SNX29: variants seen among roughly 807,000 people sequenced by gnomAD.
SNX29 encodes the protein sorting nexin-29.
Under a neutral mutation model 102.1 loss-of-function variants are expected in SNX29, and 78 were observed. The ratio of observed to expected loss-of-function variants is 0.76; its 90% confidence interval spans 0.64 to 0.92. The LOEUF (loss-of-function observed/expected upper bound fraction) is 0.92. Ranked by LOEUF, SNX29 falls within the 40% of genes least tolerant of loss-of-function variation. The pLI is 0.00. For missense variants in SNX29, 1,280 were observed against 1,061.7 expected, an observed-to-expected ratio of 1.21 and a Z score of -2.86; for synonymous variants, 580 against 414.5, an observed-to-expected ratio of 1.40 and a Z score of -4.85.
At chr16:12,468,304 A>T (rs1174985693) in intron 18 of SNX29, among the ~76,000 whole-genome samples, 4 of 148,658 alleles carry the variant, frequency 2.7e-5, no homozygotes, top group African/African-American at 9.9e-5. Flanking sequence ...CCTCCCGAGT[A>T]CCTGGGATTA....
At chr16:12,557,245 G>A (rs565205734) in intron 20 of SNX29, 2 of 152,288 alleles carry the variant, frequency 1.3e-5, no homozygotes, top group African/African-American at 2.4e-5. Flanking sequence ...TTACCATTTG[G>A]ATCTATGGAA....
intron 14 of SNX29, among the ~76,000 whole-genome samples, chr16:12,209,135 A>G (rs1381742909): frequency 2.6e-5 from 4 of 152,224 alleles, no homozygotes; most frequent in African/African-American, 4.8e-5. Context: ...GTTTACTGAC[A>G]AATGGGGCAA....
chr16:12,569,455 C>G lies in SNX29; in HGVS notation c.*826C>G, dbSNP rs2079138812. 4.3e-6 allele frequency: 1 copy of G among 231,248 alleles called. No individual in the cohort carries two copies. The allele number at this position is 231,248 out of a possible 1,614,324, so 14.3% of individuals were successfully genotyped here. A position where few individuals can be genotyped will look rare whatever the true frequency, so the allele number is the denominator to read the frequency against. On this transcript the variant is annotated 3_prime_UTR_variant, in exon 21 of 21. Coordinates refer to ENST00000566228, the MANE Select transcript of SNX29 (RefSeq NM_032167.5). ...TCCAAAGTAGCATTGGCCCTACAGT[C>G]ATGAGAGACTTGGGTCAGGGAACCA...
intron 2 of SNX29, 40 bp downstream of exon 2, chr16:11,999,398 TA>T: frequency 6.3e-7 from 1 of 1,596,268 alleles, no homozygotes; most frequent in Non-Finnish European, 8.6e-7. Flanking sequence ...GGTCGAGTAA[TA>T]GTGTCAGATA....
chr16:12,462,774 C>G (rs2086865053), intron 18 of SNX29, among the ~76,000 whole-genome samples: 1 of 152,228 alleles, frequency 6.6e-6, no homozygotes, highest in African/African-American at 2.4e-5. Flanking sequence ...CCTGCTCTAC[C>G]TTCACAGGGA....
intron 19 of SNX29, among the ~76,000 whole-genome samples, chr16:12,488,266 T>A (rs995075895): frequency 1.3e-5 from 2 of 152,060 alleles, no homozygotes; most frequent in African/African-American, 4.8e-5. Context: ...TTGAAGAGAC[T>A]CCTCTTGGTG....
chr16:12,248,407 TC>T (rs1313115673), intron 14 of SNX29, among the ~76,000 whole-genome samples: 67 of 150,946 alleles, frequency 4.4e-4, no homozygotes, highest in African/African-American at 1.3e-3. Flanking sequence ...TTTTTTTTTT[TC>T]TTTTTTTGAG....
chr16:12,479,716 A>G (rs2087819606), intron 19 of SNX29, among the ~76,000 whole-genome samples: 1 of 152,246 alleles, frequency 6.6e-6, no homozygotes, highest in South Asian at 2.1e-4. Flanking sequence ...AAAATGTCAC[A>G]AAACAACATG....
intron 18 of SNX29, among the ~76,000 whole-genome samples, chr16:12,473,044 T>C (rs2087433390): frequency 6.6e-6 from 1 of 152,112 alleles, no homozygotes; most frequent in South Asian, 2.1e-4. Context: ...ATTATCTTTA[T>C]GGCTCAAGCA....
chr16:12,098,264 T>C lies in SNX29; in HGVS notation c.1402+19349T>C, dbSNP rs1344513091. On this transcript the variant is annotated intron_variant, in intron 11 of 20. Coordinates refer to ENST00000566228, the MANE Select transcript of SNX29 (RefSeq NM_032167.5). The surrounding 1 kb of genome is among the most constrained non-coding windows in gnomAD (Gnocchi z 6.0). ...TTAAAAATTTGTATTTAAATTTTTG[T>C]TTTGCATAAGTATATATTTACATGG... is the stretch of plus-strand genomic sequence containing the variant. Among the ~76,000 whole-genome samples the C allele has an allele frequency of 6.6e-6, 1 of 152,188 alleles. No homozygotes were observed. The highest frequency in any genetic ancestry group is 1.5e-5 in the Non-Finnish European group (1 of 68,044).
At chr16:12,236,325 G>A (rs1014051801) in intron 14 of SNX29, among the ~76,000 whole-genome samples, 2 of 152,156 alleles carry the variant, frequency 1.3e-5, no homozygotes, top group African/African-American at 4.8e-5. Context: ...AGGGCATGGG[G>A]CAGGGGAGAA....
At chr16:12,554,271 G>A (rs775148265) in intron 20 of SNX29, among the ~76,000 whole-genome samples, 3 of 152,222 alleles carry the variant, frequency 2.0e-5, no homozygotes, top group Non-Finnish European at 4.4e-5. Context: ...TGGTGCATCT[G>A]TGTATACATG....
intron 18 of SNX29, among the ~76,000 whole-genome samples, chr16:12,411,629 C>T (rs1162205101): frequency 2.0e-5 from 3 of 152,200 alleles, no homozygotes; most frequent in Non-Finnish European, 4.4e-5. Context: ...ATATGCCCAG[C>T]ATGTGCCAAA....
At chr16:12,229,663 C>G (rs1410819041) in intron 14 of SNX29, among the ~76,000 whole-genome samples, 1 of 151,426 alleles carries the variant, frequency 6.6e-6, no homozygotes, top group Non-Finnish European at 1.5e-5. Flanking sequence ...TTCCTGCATT[C>G]TTCAAAGATC....
At chr16:12,552,250 C>A (rs903053374) in intron 20 of SNX29, among the ~76,000 whole-genome samples, 1 of 147,240 alleles carries the variant, frequency 6.8e-6, no homozygotes, top group Non-Finnish European at 1.5e-5. Context: ...AGCTTTGCCT[C>A]CTAGGGGCTC....
At chr16:12,207,404 G>T (rs768238667) in intron 14 of SNX29, among the ~76,000 whole-genome samples, 1 of 152,088 alleles carries the variant, frequency 6.6e-6, no homozygotes, top group Non-Finnish European at 1.5e-5. Context: ...AACCAGGGAG[G>T]CTCAATGGGA....
Position 12,069,227 on chromosome 16 carries a change from A to G in SNX29, c.1319+95A>G, listed in dbSNP as rs2051179907. The G allele has an allele frequency of 3.9e-6, 4 of 1,017,322 alleles. No individual in the cohort carries two copies. In the East Asian group the frequency reaches 9.9e-5, roughly 25 times the overall value. 63.0% of individuals were successfully genotyped at this position (1,017,322 alleles called of 1,614,324 possible). The stretch of plus-strand genomic sequence containing the variant: ...TTTTAAAGATAGGAGTGCACCTGCT[A>G]GGATTAAAGGGCAAGGGTTTACTTC... On this transcript the variant is annotated intron_variant, in intron 10 of 20. Transcript: ENST00000566228.
intron 3 of SNX29, among the ~76,000 whole-genome samples, chr16:12,022,245 G>C (rs2057049164): frequency 6.7e-6 from 1 of 150,206 alleles, no homozygotes; most frequent in Non-Finnish European, 1.5e-5. Context: ...TTGTTGCTCA[G>C]GCTGGAGTAC....
chr16:12,184,909 C>A (rs577964313), intron 13 of SNX29, among the ~76,000 whole-genome samples: 7 of 152,304 alleles, frequency 4.6e-5, no homozygotes, highest in Non-Finnish European at 1.0e-4. Context: ...CATTGTGTTT[C>A]CTCAGAAATG....
Sources: allele counts gnomAD v4.1 joint callset (sites outside exome capture counted in the v4.1 genomes callset), GRCh38; gene constraint gnomAD v4.1.1; non-coding constraint Gnocchi (gnomAD v3.1); transcripts MANE v1.5; gene names NCBI Gene and HGNC (gene_info 2026-07-23, HGNC 2026-07-21).